The following CACNA2D2 variants were observed in gnomAD, a reference collection of about 807,000 sequenced individuals.
CACNA2D2 encodes the protein voltage-dependent calcium channel subunit alpha-2/delta-2.
CACNA2D2 carries 48 observed loss-of-function variants against 166.4 expected under a neutral mutation model. The ratio of observed to expected loss-of-function variants is 0.29; its 90% CI spans 0.23 to 0.37. The LOEUF (loss-of-function observed/expected upper bound fraction) is 0.37. Among genes scored for constraint, CACNA2D2 ranks in the 10% least tolerant of loss-of-function variants. CACNA2D2 has a pLI of 1.00. For missense variants in CACNA2D2, 1,122 were observed against 1,433.0 expected (o/e 0.78, Z 3.50); for synonymous variants, 561 against 573.7 (o/e 0.98, Z 0.32).
chr3:50,364,386 C>T lies in CACNA2D2; in HGVS notation c.*280G>A. ...TGGTTTTGGCACCAGTGCGTGTGGCCTCCCTGTCCCATCCCACTGGGGGGA... is the reference window on the plus strand; with the variant it reads ...TGGTTTTGGCACCAGTGCGTGTGGCTTCCCTGTCCCATCCCACTGGGGGGA... On this transcript the variant is annotated 3_prime_UTR_variant, in exon 38 of 38. Coordinates refer to ENST00000424201, the MANE Select transcript of CACNA2D2 (RefSeq NM_006030.4). 2.3e-6 allele frequency: 1 copy of T among 440,540 alleles called. No individual in the cohort carries two copies. The highest frequency in any genetic ancestry group is 4.0e-6 in the Non-Finnish European group (1 of 250,176). 27.3% of individuals were successfully genotyped at this position (440,540 alleles called of 1,614,324 possible). A position where few individuals can be genotyped will look rare whatever the true frequency, so the allele number is the denominator to read the frequency against.
At chr3:50,483,262 C>G (rs1698131215) in intron 1 of CACNA2D2, among the ~76,000 whole-genome samples, 1 of 152,192 alleles carries the variant, frequency 6.6e-6, no homozygotes, top group East Asian at 1.9e-4. Flanking sequence ...CTCACCCACT[C>G]ATTGCATGCA....
At chr3:50,382,132 A>ATG (rs749544082) in intron 6 of CACNA2D2, among the ~76,000 whole-genome samples, 3 of 151,922 alleles carry the variant, frequency 2.0e-5, no homozygotes, top group African/African-American at 7.3e-5. Context: ...GGGCGGCCTG[A>ATG]TGTGTGTGTG....
At chr3:50,394,289 C>T in intron 3 of CACNA2D2, 121 bp from the exon 4 acceptor site, 1 of 770,858 alleles carries the variant, frequency 1.3e-6, no homozygotes, top group Non-Finnish European at 2.3e-6. Flanking sequence ...CTCCCTTCCC[C>T]TCATCCTACG....
At chr3:50,453,865 G>A (rs1709221775) in intron 2 of CACNA2D2, among the ~76,000 whole-genome samples, 1 of 152,144 alleles carries the variant, frequency 6.6e-6, no homozygotes, top group Admixed American at 6.5e-5. Context: ...TAATGTGGAG[G>A]GGAGCCCCGG....
chr3:50,367,695 T>G lies in CACNA2D2; in HGVS notation c.2244A>C (p.Leu748=). 6.2e-7 allele frequency: 1 copy of G among 1,612,228 alleles called. No individual in the cohort carries two copies. The highest frequency in any genetic ancestry group is 8.5e-7 in the Non-Finnish European group (1 of 1,179,030). Residue 748 remains leucine (L), a synonymous_variant, in exon 26 of 38, where the codon CTA becomes CTC. Coordinates refer to ENST00000424201, the MANE Select transcript of CACNA2D2 (RefSeq NM_006030.4). This position sits in a 1 kb window ranked among gnomAD's most constrained non-coding sequence, Gnocchi z 6.5. ...CGTCTGTGGCAGCGAACACGGCCAG[T>G]AGGCTGTACCTGGGGGTAGCAGGGG... ...WRDQDLNTYS[L]LAVFAATDGG...
intron 1 of CACNA2D2, 122 bp downstream of exon 1, chr3:50,503,096 G>T (rs1699050851): frequency 4.2e-6 from 2 of 477,088 alleles, no homozygotes; most frequent in East Asian, 1.0e-4. Flanking sequence ...CCCGGGCGCA[G>T]CGGGCAGCCG....
intron 1 of CACNA2D2, among the ~76,000 whole-genome samples, chr3:50,494,319 A>ATT (rs1698638860): frequency 6.6e-6 from 1 of 152,120 alleles, no homozygotes; most frequent in African/African-American, 2.4e-5. Context: ...CCTGACCTTT[A>ATT]AGGCTTCAAA....
chr3:50,405,456 G>C (rs1005226379), intron 3 of CACNA2D2, among the ~76,000 whole-genome samples: 2 of 152,198 alleles, frequency 1.3e-5, no homozygotes, highest in African/African-American at 4.8e-5. Flanking sequence ...ATGGACAGAG[G>C]TAGGGAGGAG....
At position 50,375,336 on chromosome 3, in the gene CACNA2D2, G is replaced by A. The variant is rs587630506; in HGVS notation, c.1907+308C>T. On this transcript the variant is annotated intron_variant, in intron 21 of 37. Transcript: ENST00000424201. The surrounding 1 kb of genome is among the most constrained non-coding windows in gnomAD (Gnocchi z 4.0). ...GGGCAGGCAGAGGTCAGCCTGCACT[G>A]ACCCAGCCTGACACACAAGGGACCT... 1.8e-4 allele frequency among the ~76,000 whole-genome samples: 27 copies of A among 152,308 alleles called. No individual in the cohort carries two copies. The highest frequency in any genetic ancestry group is 2.9e-5 in the Non-Finnish European group (2 of 68,010).
In CACNA2D2 at chr3:50,364,842, G is replaced by A. The variant is rs587740059; in HGVS notation, c.3292-36C>T. The A allele has an allele frequency of 2.2e-5, 35 of 1,613,144 alleles. No individual in the cohort carries two copies. The African/African-American group carries it at 2.3e-4, about 10-fold the overall frequency. ...AGACAAGGAGCTGGTCGGCCTGGGC[G>A]GGCGCAAGGCCGCGGGATTTCGGGT... On this transcript the variant is annotated intron_variant, in intron 37 of 37. Transcript: ENST00000424201.
intron 3 of CACNA2D2, among the ~76,000 whole-genome samples, chr3:50,399,388 G>A (rs997482488): frequency 8.5e-4 from 130 of 152,324 alleles, no homozygotes; most frequent in Non-Finnish European, 1.2e-3. Context: ...AGGCTTAGAA[G>A]AAAAGGCTCT....
intron 1 of CACNA2D2, among the ~76,000 whole-genome samples, chr3:50,481,335 G>A (rs574659423): frequency 4.6e-5 from 7 of 152,254 alleles, no homozygotes; most frequent in African/African-American, 9.6e-5. Context: ...CCACTCACAC[G>A]GAGGCATTTT....
chr3:50,363,056 G>A lies in CACNA2D2; in HGVS notation c.*1610C>T, dbSNP rs1704017103. Reference sequence around the variant, plus strand: ...AATGAGAAGGATTAGACCCAGCTGGGGGTTAGACAGCTACCTGATGGGGAT... The same window carrying A: ...AATGAGAAGGATTAGACCCAGCTGGAGGTTAGACAGCTACCTGATGGGGAT... On this transcript the variant is annotated 3_prime_UTR_variant, in exon 38 of 38. Coordinates refer to ENST00000424201, the MANE Select transcript of CACNA2D2 (RefSeq NM_006030.4). The A allele has an allele frequency of 5.0e-6, 2 of 398,208 alleles. No homozygotes were observed. The highest frequency in any genetic ancestry group is 4.4e-5 in the Admixed American group (1 of 22,704). The allele number at this position is 398,208 out of a possible 1,614,324, so 24.7% of individuals were successfully genotyped here. A position where few individuals can be genotyped will look rare whatever the true frequency, so the allele number is the denominator to read the frequency against.
At position 50,375,575 on chromosome 3, in the gene CACNA2D2, G is replaced by A; in HGVS notation, c.1907+69C>T. The A allele has an allele frequency of 6.5e-7, 1 of 1,536,844 alleles. No individual in the cohort carries two copies. The highest frequency in any genetic ancestry group is 9.0e-7 in the Non-Finnish European group (1 of 1,116,590). On this transcript the variant is annotated intron_variant, in intron 21 of 37. Transcript: ENST00000424201. This position sits in a 1 kb window ranked among gnomAD's most constrained non-coding sequence, Gnocchi z 4.0. Reference sequence around the variant, plus strand: ...GATGGTGGTCACAGTGGGAGAGGGAGGGGACAGCTGGGCTCAGATTCTGGG... The same window carrying A: ...GATGGTGGTCACAGTGGGAGAGGGAAGGGACAGCTGGGCTCAGATTCTGGG...
At chr3:50,399,583 T>C (rs1438786773) in intron 3 of CACNA2D2, among the ~76,000 whole-genome samples, 5 of 152,068 alleles carry the variant, frequency 3.3e-5, no homozygotes, top group Non-Finnish European at 5.9e-5. Context: ...CTACCCTGGG[T>C]GAGGGCTTCA....
chr3:50,395,811 C>T (rs1379604224), intron 3 of CACNA2D2, among the ~76,000 whole-genome samples: 1 of 152,202 alleles, frequency 6.6e-6, no homozygotes. Flanking sequence ...CATCTCCAGC[C>T]CCATTGGGCT....
chr3:50,487,696 CGA>C (rs1698349658), intron 1 of CACNA2D2, among the ~76,000 whole-genome samples: 1 of 152,128 alleles, frequency 6.6e-6, no homozygotes, highest in Non-Finnish European at 1.5e-5. Context: ...CTCCCCAATC[CGA>C]GAGAAGCCAC....
chr3:50,440,320 C>A (rs1310832757), intron 2 of CACNA2D2, among the ~76,000 whole-genome samples: 3 of 152,248 alleles, frequency 2.0e-5, no homozygotes, highest in Non-Finnish European at 4.4e-5. Context: ...GGTGCCCAGG[C>A]AGGGGGGCTG....
chr3:50,479,561 G>A (rs1446051700), intron 1 of CACNA2D2, among the ~76,000 whole-genome samples: 2 of 152,256 alleles, frequency 1.3e-5, no homozygotes, highest in African/African-American at 2.4e-5. Flanking sequence ...GTGACACAGA[G>A]GCCCTGAGGG....
Sources: gnomAD v4.1 joint callset for allele counts (sites outside exome capture counted in the v4.1 genomes callset) on GRCh38, gnomAD v4.1.1 for gene constraint, Gnocchi (gnomAD v3.1) non-coding constraint, MANE v1.5 for transcripts, NCBI Gene and HGNC (gene_info 2026-07-23, HGNC 2026-07-21) for gene names.